PPP1R15A: variants seen among roughly 807,000 people sequenced by gnomAD.
PPP1R15A encodes the protein protein phosphatase 1 regulatory subunit 15A.
PPP1R15A carries 43 observed loss-of-function variants against 48.5 expected under a neutral mutation model. The observed-to-expected ratio is 0.89, with a 90% confidence interval of 0.69 to 1.14. The LOEUF (loss-of-function observed/expected upper bound fraction) is 1.14, where lower values mean the gene tolerates loss of function less well. PPP1R15A is among the 50% of genes most tolerant of loss of function. The probability of loss-of-function intolerance (pLI) is 0.00; values close to 1 mark genes in which losing one functional copy is unlikely to be tolerated. For missense variants in PPP1R15A, 868 were observed against 847.2 expected (o/e 1.02, Z -0.30); for synonymous variants, 327 against 327.4 (o/e 1.00, Z 0.01).
chr19:48,875,260 A>G (rs594597), intron 2 of PPP1R15A: 102,683 of 330,192 alleles, frequency 0.31, 17,532 homozygotes, highest in African/African-American at 0.5. Context: ...TCTTAGAAAG[A>G]AAGGGGGCTG....
At position 48,875,659 on chromosome 19, in the gene PPP1R15A, G is replaced by A; in HGVS notation, c.1711G>A (p.Ala571Thr). ...KVTVHFLAVW[A>T]GPAQAARQGP... ...CACTGTCCATTTCCTGGCTGTCTGG[G>A]CAGGGCCGGCCCAGGCCGCCCGCCA... The change falls in exon 3 of 3, where the codon GCA becomes ACA. Residue 571 changes from alanine to threonine, a missense_variant. Transcript: ENST00000200453. 1 of 1,609,242 alleles carries A rather than the reference G, an allele frequency of 6.2e-7. No homozygotes were observed.
At chr19:48,874,939 T>A (rs1254877492) in intron 2 of PPP1R15A, 41 bp downstream of exon 2, 20 of 1,456,404 alleles carry the variant, frequency 1.4e-5, no homozygotes, top group African/African-American at 2.9e-5. Context: ...TTTTTTTTTT[T>A]AATTGAGTTG....
chr19:48,872,887 A>C (rs975586336), intron 1 of PPP1R15A, among the ~76,000 whole-genome samples: 3 of 152,166 alleles, frequency 2.0e-5, no homozygotes, highest in Non-Finnish European at 2.9e-5. Flanking sequence ...AGAATGAGAG[A>C]GCTAGGGACT....
Position 48,874,037 on chromosome 19 carries a change from C to G in PPP1R15A, c.804C>G (p.Ser268=), listed in dbSNP as rs200339215. The G allele has an allele frequency of 6.2e-5, 100 of 1,613,960 alleles. No individual in the cohort carries two copies. The highest frequency in any genetic ancestry group is 5.1e-5 in the Non-Finnish European group (60 of 1,180,018). The change falls in exon 2 of 3, where the codon TCC becomes TCG. Residue 268 remains serine (S), a synonymous_variant. Coordinates refer to ENST00000200453, the MANE Select transcript of PPP1R15A (RefSeq NM_014330.5). ...GGGAGTATCGTTCAGGAGAGGCGTCCGAGGAGAAGGAGGAAAAGGCACACA... is the reference window on the plus strand; with the variant it reads ...GGGAGTATCGTTCAGGAGAGGCGTCGGAGGAGAAGGAGGAAAAGGCACACA... The part of the protein sequence containing the change: ...RSWEYRSGEA[S]EEKEEKAHKE...
At position 48,874,003 on chromosome 19, in the gene PPP1R15A, C is replaced by G; in HGVS notation, c.770C>G (p.Pro257Arg). 1 of 1,614,164 alleles carries G rather than the reference C, an allele frequency of 6.2e-7. No homozygotes were observed. Among genetic ancestry groups the G allele is most frequent in the Non-Finnish European group, 8.5e-7 (1 of 1,180,008 alleles). ...TCCCCCCGATCTTCAGGCTCCGACC[C>G]CAGGTCCTGGGAGTATCGTTCAGGA... ...SVSPRSSGSD[P>R]RSWEYRSGEA... The change falls in exon 2 of 3, where the codon CCC becomes CGC. Residue 257 changes from proline to arginine, a missense_variant. Pro to Arg is a moderately radical substitution (Grantham distance 103). Transcript: ENST00000200453.
Position 48,873,958 on chromosome 19 carries a change from G to A in PPP1R15A, c.725G>A (p.Gly242Glu), listed in dbSNP as rs773032437. ...GATAAAAGAACAGAAAGAAGTAAAGGAGCCAGGAAGACCTCCGTGTCCCCC... is the reference window on the plus strand; with the variant it reads ...GATAAAAGAACAGAAAGAAGTAAAGAAGCCAGGAAGACCTCCGTGTCCCCC... ...TEDKRTERSK[G>E]ARKTSVSPRS... is the part of the protein sequence containing the mutation. The change falls in exon 2 of 3, where the codon GGA becomes GAA. Residue 242 changes from glycine to glutamate, a missense_variant. By Grantham distance (98) the Gly-to-Glu change is moderately conservative. Coordinates refer to ENST00000200453, the MANE Select transcript of PPP1R15A (RefSeq NM_014330.5). 1.2e-6 allele frequency: 2 copies of A among 1,613,834 alleles called. No homozygotes were observed. The highest frequency in any genetic ancestry group is 1.7e-6 in the Non-Finnish European group (2 of 1,179,988).
Position 48,875,561 on chromosome 19 carries a change from G to A in PPP1R15A, c.1666-53G>A, listed in dbSNP as rs915452570. On this transcript the variant is annotated intron_variant, in intron 2 of 2. Transcript: ENST00000200453. ...TCTCTCTTCCCCGCCCTCCCCATCC[G>A]GATTCCCGTGGCTGTGTGCATCTCC... 9.0e-5 allele frequency: 136 copies of A among 1,514,508 alleles called. 1 individual carries two copies. The highest frequency in any genetic ancestry group is 1.9e-4 in the Middle Eastern group (1 of 5,254). 93.8% of individuals were successfully genotyped at this position (1,514,508 alleles called of 1,614,324 possible). A position where few individuals can be genotyped will look rare whatever the true frequency, so the allele number is the denominator to read the frequency against.
intron 2 of PPP1R15A, chr19:48,875,383 A>C: frequency 3.5e-6 from 2 of 577,054 alleles, no homozygotes; most frequent in South Asian, 2.4e-5. Flanking sequence ...CCCCTGGGGG[A>C]GGAGGGAGCA....
Position 48,874,848 on chromosome 19 carries a change from G to GA in PPP1R15A, c.1618dup (p.Thr540AsnfsTer5), listed in dbSNP as rs774457865. 6.2e-7 allele frequency: 1 copy of GA among 1,610,304 alleles called. No individual in the cohort carries two copies. Among genetic ancestry groups the GA allele is most frequent in the East Asian group, 2.2e-5 (1 of 44,866 alleles). On this transcript the variant is annotated frameshift_variant, in exon 2 of 3. Coordinates refer to ENST00000200453, the MANE Select transcript of PPP1R15A (RefSeq NM_014330.5). LOFTEE classifies it low-confidence loss of function (END_TRUNC). ...ACTGCAAAGGCGGCTCAAGCGCCCA[G>GA]AAACCCCTACTCATGATCCGGACCC...
rs781132784 is a variant in PPP1R15A, at chr19:48,874,886, A to G, written c.1653A>G (p.Leu551=). 21 of 1,555,412 alleles carry G rather than the reference A, an allele frequency of 1.4e-5. No homozygotes were observed. The highest frequency in any genetic ancestry group is 1.8e-5 in the Non-Finnish European group (21 of 1,157,846). ...ATGATCCGGACCCTGAGACTCCCCT[A>G]AAGGCCAGAAAGGTAGGTGCTGAGA... ...PTHDPDPETP[L]KARKVRFSEK... Residue 551 remains leucine (L), a synonymous_variant, in exon 2 of 3, where the codon CTA becomes CTG. Transcript: ENST00000200453.
Position 48,874,501 on chromosome 19 carries a change from C to A in PPP1R15A, c.1268C>A (p.Pro423His). The A allele has an allele frequency of 6.2e-7, 1 of 1,613,860 alleles. No individual in the cohort carries two copies. The highest frequency in any genetic ancestry group is 8.5e-7 in the Non-Finnish European group (1 of 1,179,912). Residue 423 changes from proline (P) to histidine (H), a missense_variant, in exon 2 of 3, where the codon CCC (proline) becomes CAC (histidine). By Grantham distance (77) the Pro-to-His change is moderately conservative. Transcript: ENST00000200453. Reference sequence around the variant, plus strand: ...GAAGCTGAGACTTCTGCTTCCACACCCCCTGCAAGTGCTTTCTTGAAGGCC... The same window carrying A: ...GAAGCTGAGACTTCTGCTTCCACACACCCTGCAAGTGCTTTCTTGAAGGCC... ...EREAETSAST[P>H]PASAFLKAWV...
intron 2 of PPP1R15A, chr19:48,875,196 G>T: frequency 2.9e-6 from 1 of 346,176 alleles, no homozygotes; most frequent in Non-Finnish European, 5.3e-6. Context: ...CTCCCAAAGT[G>T]CTGGGATTAC....
In PPP1R15A at chr19:48,874,132, A is replaced by G; in HGVS notation, c.899A>G (p.Lys300Arg). The change falls in exon 2 of 3, where the codon AAG becomes AGG. Residue 300 changes from lysine to arginine, a missense_variant. Transcript: ENST00000200453. ...GCCCCAGCCCAGAGGCCCCAGCTCAAGTCCTGGTGGTGCCAACCCAGTGAT... is the reference window on the plus strand; with the variant it reads ...GCCCCAGCCCAGAGGCCCCAGCTCAGGTCCTGGTGGTGCCAACCCAGTGAT... ...SSAPAQRPQL[K>R]SWWCQPSDEE... 1 of 1,614,162 alleles carries G rather than the reference A, an allele frequency of 6.2e-7. No homozygotes were observed. Among genetic ancestry groups the G allele is most frequent in the Non-Finnish European group, 8.5e-7 (1 of 1,180,018 alleles).
chr19:48,874,273 G>A lies in PPP1R15A; in HGVS notation c.1040G>A (p.Gly347Glu). 6.2e-7 allele frequency: 1 copy of A among 1,614,160 alleles called. No homozygotes were observed. Among genetic ancestry groups the A allele is most frequent in the Non-Finnish European group, 8.5e-7 (1 of 1,180,022 alleles). ...AFLKAWVYWP[G>E]EDTEEEEDEE... ...CTGAAGGCCTGGGTGTATTGGCCAG[G>A]AGAGGACACAGAGGAAGAGGAAGAT... The change falls in exon 2 of 3, where the codon GGA (glycine) becomes GAA (glutamate). Residue 347 changes from glycine to glutamate, a missense_variant. Gly to Glu is a moderately conservative substitution (Grantham distance 98). Transcript: ENST00000200453.
Position 48,873,705 on chromosome 19 carries a change from C to T in PPP1R15A, c.472C>T (p.Pro158Ser). ...IRTLQGSDKNPGEEKAEEEGV... is the reference protein window; with the variant it reads ...IRTLQGSDKNSGEEKAEEEGV... ...GACACTGCAAGGTTCTGATAAGAACCCAGGGGAGGAGAAAGCCGAGGAAGA... is the reference window on the plus strand; with the variant it reads ...GACACTGCAAGGTTCTGATAAGAACTCAGGGGAGGAGAAAGCCGAGGAAGA... The change falls in exon 2 of 3, where the codon CCA (proline) becomes TCA (serine). Residue 158 changes from proline to serine, a missense_variant. Pro to Ser is a moderately conservative substitution (Grantham distance 74, BLOSUM62 -1). Transcript: ENST00000200453. 2 of 1,614,038 alleles carry T rather than the reference C, an allele frequency of 1.2e-6. No homozygotes were observed. The highest frequency in any genetic ancestry group is 1.7e-6 in the Non-Finnish European group (2 of 1,180,006).
At position 48,873,864 on chromosome 19, in the gene PPP1R15A, T is replaced by G. The variant is rs767768568; in HGVS notation, c.631T>G (p.Leu211Val). 2.5e-5 allele frequency: 40 copies of G among 1,613,884 alleles called. No homozygotes were observed. The highest frequency in any genetic ancestry group is 3.2e-5 in the Non-Finnish European group (38 of 1,180,000). Residue 211 changes from leucine to valine, a missense_variant, in exon 2 of 3, where the codon TTG becomes GTG. Coordinates refer to ENST00000200453, the MANE Select transcript of PPP1R15A (RefSeq NM_014330.5). ...AGCTCACAGAACCTCTACTTCTGCC[T>G]TGTCTCCAGGATCCAAGCCCAGCAC... ...KEAHRTSTSALSPGSKPSTWV... is the reference protein window; with the variant it reads ...KEAHRTSTSAVSPGSKPSTWV...
chr19:48,875,289 T>G, intron 2 of PPP1R15A: 2 of 380,394 alleles, frequency 5.3e-6, no homozygotes, highest in South Asian at 4.8e-5. Context: ...GACTTCTGGG[T>G]CCCTGTATGT....
In PPP1R15A at chr19:48,875,931, TGCTGCAGCG is replaced by T. The variant is rs777100478; in HGVS notation, c.1989_1997del (p.Ala664_Ala666del). 3.7e-6 allele frequency: 6 copies of T among 1,608,906 alleles called. No individual in the cohort carries two copies. Among genetic ancestry groups the T allele is most frequent in the Admixed American group, 3.4e-5 (2 of 59,686 alleles). The stretch of plus-strand genomic sequence containing the variant: ...TGGCCACACCTTCCCGCTCGTCTGC[TGCTGCAGCG>T]GCTGCCCTGGACCTCAGTGGGAGGC... On this transcript the variant is annotated inframe_deletion, in exon 3 of 3. Coordinates refer to ENST00000200453, the MANE Select transcript of PPP1R15A (RefSeq NM_014330.5).
At position 48,873,935 on chromosome 19, in the gene PPP1R15A, T is replaced by A. The variant is rs1210712341; in HGVS notation, c.702T>A (p.Asp234Glu). ...AGGAAGAGAATCAAGCCACGGAGGA[T>A]AAAAGAACAGAAAGAAGTAAAGGAG... Reference protein sequence around the residue: ...PGEEENQATEDKRTERSKGAR... With the variant: ...PGEEENQATEEKRTERSKGAR... The change falls in exon 2 of 3, where the codon GAT becomes GAA. Residue 234 changes from aspartate (D) to glutamate (E), a missense_variant. Asp to Glu is a conservative substitution (Grantham distance 45). Coordinates refer to ENST00000200453, the MANE Select transcript of PPP1R15A (RefSeq NM_014330.5). The A allele has an allele frequency of 1.9e-6, 3 of 1,613,580 alleles. No individual in the cohort carries two copies. The Admixed American group carries it at 5.0e-5, about 27-fold the overall frequency.
Sources: gnomAD v4.1 joint callset for allele counts (sites outside exome capture counted in the v4.1 genomes callset) on GRCh38, gnomAD v4.1.1 for gene constraint, MANE v1.5 for transcripts, NCBI Gene and HGNC (gene_info 2026-07-23, HGNC 2026-07-21) for gene names.